LDAH: variants seen among roughly 807,000 people sequenced by gnomAD.
The protein encoded by LDAH is lipid droplet associated hydrolase.
A neutral mutation model predicts 29.6 loss-of-function variants in LDAH; 26 were observed. The ratio of observed to expected loss-of-function variants is 0.88; its 90% CI spans 0.64 to 1.22. The LOEUF (loss-of-function observed/expected upper bound fraction) is 1.22. Ranked by LOEUF, LDAH falls within the 50% of genes most tolerant of loss-of-function variation. The probability of loss-of-function intolerance (pLI) is 0.00; values close to 1 mark genes in which losing one functional copy is unlikely to be tolerated. For synonymous variants in LDAH, 117 were observed against 133.0 expected, an observed-to-expected ratio of 0.88 and a Z score of 0.83; for missense variants, 344 against 387.3, an observed-to-expected ratio of 0.89 and a Z score of 0.94.
At chr2:20,722,897 G>A (rs755179600) in intron 5 of LDAH, among the ~76,000 whole-genome samples, 2 of 152,068 alleles carry the variant, frequency 1.3e-5, no homozygotes, top group Non-Finnish European at 2.9e-5. Context: ...TATATTGCTG[G>A]TGGGAGTACA....
Position 20,731,855 on chromosome 2 carries a change from GT to G in LDAH, c.703+8115del, listed in dbSNP as rs1007306542. On this transcript the variant is annotated intron_variant, in intron 5 of 6. Transcript: ENST00000237822. ...TTGGGATTGTCATTTTTTTCTTTTA[GT>G]TTTTTTTTTTTTAATCATTTGATAT... Among the ~76,000 whole-genome samples the G allele has an allele frequency of 1.9e-3, 261 of 140,414 alleles. 2 individuals carry two copies. In the East Asian group the frequency reaches 0.023, roughly 12 times the overall value. 92.1% of individuals were successfully genotyped at this position (140,414 alleles called of 152,430 possible).
At chr2:20,761,919 T>C (rs59174167) in intron 4 of LDAH, among the ~76,000 whole-genome samples, 1 of 151,372 alleles carries the variant, frequency 6.6e-6, no homozygotes, top group South Asian at 2.1e-4. Context: ...AGTGAATAAA[T>C]ATATGTCATT....
intron 1 of LDAH, among the ~76,000 whole-genome samples, chr2:20,816,679 G>A (rs931155145): frequency 3.3e-5 from 5 of 151,722 alleles, no homozygotes; most frequent in African/African-American, 4.8e-5. Context: ...ACTATTAGAC[G>A]ATCAAGAAGA....
intron 6 of LDAH, among the ~76,000 whole-genome samples, chr2:20,700,300 T>G (rs1438629873): frequency 6.6e-6 from 1 of 152,308 alleles, no homozygotes; most frequent in East Asian, 1.9e-4. Context: ...CAACTGCTAT[T>G]TCAGAAATAT....
chr2:20,818,895 G>A (rs1174775599), intron 1 of LDAH, among the ~76,000 whole-genome samples: 1 of 152,084 alleles, frequency 6.6e-6, no homozygotes, highest in Non-Finnish European at 1.5e-5. Context: ...GCTCCTGCTT[G>A]ATGTGGTTGC....
chr2:20,687,113 A>G lies in LDAH; in HGVS notation c.787-19T>C. The G allele has an allele frequency of 6.3e-7, 1 of 1,591,786 alleles. No homozygotes were observed. Among genetic ancestry groups the G allele is most frequent in the South Asian group, 1.1e-5 (1 of 88,202 alleles). Reference sequence around the variant, plus strand: ...ATGTAAGCTGAAAGACAAGACAAAAACCTTTTATTAGAAAACACGTTCCCT... The same window carrying G: ...ATGTAAGCTGAAAGACAAGACAAAAGCCTTTTATTAGAAAACACGTTCCCT... On this transcript the variant is annotated intron_variant, in intron 6 of 6. Coordinates refer to ENST00000237822, the MANE Select transcript of LDAH (RefSeq NM_021925.4).
intron 6 of LDAH, among the ~76,000 whole-genome samples, chr2:20,688,098 T>G (rs946602292): frequency 1.3e-5 from 2 of 152,182 alleles, no homozygotes; most frequent in African/African-American, 4.8e-5. Flanking sequence ...TACTTTGTAT[T>G]AGGAACCTGG....
At chr2:20,737,252 G>A (rs1666853936) in intron 5 of LDAH, among the ~76,000 whole-genome samples, 1 of 152,158 alleles carries the variant, frequency 6.6e-6, no homozygotes, top group Admixed American at 6.5e-5. Context: ...TAGTCTTCTT[G>A]ATGTTGTTTT....
chr2:20,773,926 T>G (rs1669607386), intron 4 of LDAH, among the ~76,000 whole-genome samples: 1 of 152,098 alleles, frequency 6.6e-6, no homozygotes, highest in Non-Finnish European at 1.5e-5. Flanking sequence ...CCACACCCCC[T>G]GAACTGAAAC....
At chr2:20,765,041 T>C (rs1174703264) in intron 4 of LDAH, among the ~76,000 whole-genome samples, 3 of 152,186 alleles carry the variant, frequency 2.0e-5, no homozygotes, top group African/African-American at 7.2e-5. Flanking sequence ...GAGAACCAAA[T>C]ATGTAATATA....
intron 1 of LDAH, among the ~76,000 whole-genome samples, chr2:20,802,995 G>A (rs1199409192): frequency 2.0e-5 from 3 of 152,184 alleles, no homozygotes; most frequent in East Asian, 1.9e-4. Flanking sequence ...CTGTTCCACT[G>A]CTGTGAGATT....
At chr2:20,720,960 C>G (rs58289462) in intron 5 of LDAH, among the ~76,000 whole-genome samples, 3,273 of 152,194 alleles carry the variant, frequency 0.022, 114 homozygotes, top group African/African-American at 0.075. Context: ...TCGATCCTAT[C>G]TTTTACCATA....
intron 4 of LDAH, among the ~76,000 whole-genome samples, chr2:20,764,456 C>T (rs191552624): frequency 1.1e-4 from 16 of 152,294 alleles, no homozygotes; most frequent in Admixed American, 6.5e-4. Context: ...CATAGTCCTT[C>T]TGTTCCCAGC....
At chr2:20,718,304 G>GTC (rs1665390111) in intron 5 of LDAH, among the ~76,000 whole-genome samples, 1 of 151,996 alleles carries the variant, frequency 6.6e-6, no homozygotes, top group Admixed American at 6.6e-5. Flanking sequence ...TAGAGTAAAA[G>GTC]TGAAGAGATG....
intron 4 of LDAH, among the ~76,000 whole-genome samples, chr2:20,763,729 G>A (rs758653971): frequency 3.3e-5 from 5 of 152,168 alleles, no homozygotes; most frequent in Non-Finnish European, 5.9e-5. Flanking sequence ...CTGAGAGGAT[G>A]GGGGAACTTT....
chr2:20,710,220 G>A (rs1664615243), intron 5 of LDAH, among the ~76,000 whole-genome samples: 1 of 152,074 alleles, frequency 6.6e-6, no homozygotes. Flanking sequence ...AAGATATTAA[G>A]ATATTACAAA....
chr2:20,786,538 T>G (rs1405048734), intron 3 of LDAH, among the ~76,000 whole-genome samples: 1 of 152,166 alleles, frequency 6.6e-6, no homozygotes, highest in African/African-American at 2.4e-5. Flanking sequence ...GAAACTTCAG[T>G]TTCCTCTAAT....
At chr2:20,725,457 C>G (rs766804177) in intron 5 of LDAH, among the ~76,000 whole-genome samples, 1 of 152,186 alleles carries the variant, frequency 6.6e-6, no homozygotes, top group South Asian at 2.1e-4. Flanking sequence ...TGAAGGCATT[C>G]TGCAGGAACA....
intron 4 of LDAH, among the ~76,000 whole-genome samples, chr2:20,770,891 T>G (rs776868308): frequency 3.3e-5 from 5 of 152,202 alleles, no homozygotes; most frequent in Non-Finnish European, 7.4e-5. Flanking sequence ...CACTTCCCAC[T>G]GATAAAATGA....
Sources: allele counts gnomAD v4.1 joint callset (sites outside exome capture counted in the v4.1 genomes callset), GRCh38; gene constraint gnomAD v4.1.1; transcripts MANE v1.5; gene names NCBI Gene and HGNC (gene_info 2026-07-23, HGNC 2026-07-21).